ZFAND6: variants seen among roughly 807,000 people sequenced by gnomAD.
ZFAND6 encodes the protein zinc finger AN1-type containing 6, also known as AN1-type zinc finger protein 6.
Under a neutral mutation model 24.5 loss-of-function variants are expected in ZFAND6, and 12 were observed. The ratio of observed to expected loss-of-function variants is 0.49; its 90% CI spans 0.31 to 0.79. The LOEUF (loss-of-function observed/expected upper bound fraction) is 0.79, where lower values mean the gene tolerates loss of function less well. ZFAND6 is among the 30% of genes least tolerant of loss of function. ZFAND6 has a pLI of 0.04. For synonymous variants in ZFAND6, 92 were observed against 81.5 expected (o/e 1.13, Z -0.69); for missense variants, 207 against 245.9 (o/e 0.84, Z 1.06).
intron 1 of ZFAND6, among the ~76,000 whole-genome samples, chr15:80,086,454 T>G (rs2038012409): frequency 6.6e-6 from 1 of 152,244 alleles, no homozygotes; most frequent in Non-Finnish European, 1.5e-5. Context: ...CAATCCACTT[T>G]TAGAACATTT....
intron 1 of ZFAND6, among the ~76,000 whole-genome samples, chr15:80,068,175 G>A (rs940257208): frequency 6.7e-6 from 1 of 148,556 alleles, no homozygotes; most frequent in African/African-American, 2.5e-5. Context: ...GAGACATGGT[G>A]TTGCCTTTGT....
chr15:80,087,720 A>G (rs899637799), intron 1 of ZFAND6, among the ~76,000 whole-genome samples: 2 of 152,078 alleles, frequency 1.3e-5, no homozygotes, highest in African/African-American at 4.8e-5. Flanking sequence ...CTTTTAATTT[A>G]TATTTATTTT....
At chr15:80,097,632 A>T (rs912855802) in intron 1 of ZFAND6, among the ~76,000 whole-genome samples, 1 of 151,224 alleles carries the variant, frequency 6.6e-6, no homozygotes. Flanking sequence ...CAGCCTGGGC[A>T]ACAAGAACGA....
chr15:80,093,511 G>A (rs1247352870), intron 1 of ZFAND6, among the ~76,000 whole-genome samples: 2 of 151,818 alleles, frequency 1.3e-5, no homozygotes, highest in African/African-American at 2.4e-5. Flanking sequence ...GCGGAGCACC[G>A]AGGTCAGGAG....
intron 1 of ZFAND6, among the ~76,000 whole-genome samples, chr15:80,068,328 A>T (rs1028469881): frequency 1.8e-4 from 27 of 151,342 alleles, no homozygotes; most frequent in African/African-American, 5.8e-4. Context: ...AAAAATTTTT[A>T]AAATTTTTTG....
chr15:80,060,709 G>A (rs2036283654), intron 1 of ZFAND6: 1 of 152,226 alleles, frequency 6.6e-6, no homozygotes, highest in South Asian at 2.1e-4. Flanking sequence ...TAATCACGAG[G>A]TCAGGAGATC....
intron 1 of ZFAND6, among the ~76,000 whole-genome samples, chr15:80,088,508 G>A (rs2038141845): frequency 6.6e-6 from 1 of 152,190 alleles, no homozygotes; most frequent in African/African-American, 2.4e-5. Flanking sequence ...GGAGGTTGCA[G>A]TGAGCCGAGA....
chr15:80,077,695 TTC>T (rs1415373547), intron 1 of ZFAND6, among the ~76,000 whole-genome samples: 1 of 111,806 alleles, frequency 8.9e-6, no homozygotes, highest in African/African-American at 3.1e-5. Flanking sequence ...TGAGTTTTCT[TTC>T]TTTTTTTTTT....
chr15:80,059,359 C>A (rs1352461701), upstream of ZFAND6, among the ~76,000 whole-genome samples: 1 of 152,256 alleles, frequency 6.6e-6, no homozygotes, highest in Non-Finnish European at 1.5e-5. Flanking sequence ...TAATCGCCTT[C>A]CCGTAGCTAT....
At chr15:80,127,881 C>T (rs1440755988) in intron 5 of ZFAND6, among the ~76,000 whole-genome samples, 2 of 152,004 alleles carry the variant, frequency 1.3e-5, no homozygotes, top group African/African-American at 4.8e-5. Flanking sequence ...CACACAAAAA[C>T]GTGTACACAA....
upstream of ZFAND6, chr15:80,059,456 T>C (rs988630808): frequency 6.6e-6 from 1 of 152,190 alleles, no homozygotes; most frequent in East Asian, 1.9e-4. Flanking sequence ...GAGGAGCATC[T>C]CCTTTCGCTC....
intron 6 of ZFAND6, among the ~76,000 whole-genome samples, chr15:80,135,487 A>G (rs187990682): frequency 2.0e-5 from 3 of 152,394 alleles, no homozygotes. Context: ...TGTATTGTTT[A>G]CCATGTGCCA....
chr15:80,061,064 C>T (rs1379042005), intron 1 of ZFAND6, among the ~76,000 whole-genome samples: 1 of 152,156 alleles, frequency 6.6e-6, no homozygotes, highest in Non-Finnish European at 1.5e-5. Context: ...ACCATGTCAC[C>T]AATTTTAAGG....
rs947805326 is a variant in ZFAND6, at chr15:80,094,336, T to G, written c.-180-4080T>G. On this transcript the variant is annotated intron_variant, in intron 1 of 6. Coordinates refer to ENST00000261749, the MANE Select transcript of ZFAND6 (RefSeq NM_019006.4). Reference sequence around the variant, plus strand: ...CCGCCTCCTGTCAGATCAGCAACACTGGATTCTCATAGGAGTGCGAACCCT... The same window carrying G: ...CCGCCTCCTGTCAGATCAGCAACACGGGATTCTCATAGGAGTGCGAACCCT... 4.0e-5 allele frequency among the ~76,000 whole-genome samples: 6 copies of G among 148,414 alleles called. No homozygotes were observed. The South Asian group carries it at 1.0e-3, about 26-fold the overall frequency.
At chr15:80,081,799 C>T (rs995129565) in intron 1 of ZFAND6, among the ~76,000 whole-genome samples, 3 of 152,114 alleles carry the variant, frequency 2.0e-5, no homozygotes, top group African/African-American at 2.4e-5. Flanking sequence ...GAGGCAGCCT[C>T]GGGCCAGACT....
intron 6 of ZFAND6, among the ~76,000 whole-genome samples, chr15:80,132,753 A>G (rs901871446): frequency 2.6e-5 from 4 of 152,186 alleles, no homozygotes; most frequent in African/African-American, 9.7e-5. Flanking sequence ...GTATAAAGTG[A>G]TGCCACTAGC....
intron 1 of ZFAND6, among the ~76,000 whole-genome samples, chr15:80,065,442 A>C (rs565782016): frequency 4.0e-5 from 6 of 151,362 alleles, no homozygotes; most frequent in Non-Finnish European, 8.8e-5. Context: ...TTATTGTTTA[A>C]GTCTCCCCCC....
At position 80,117,818 on chromosome 15, in the gene ZFAND6, G is replaced by A. The variant is rs1440317467; in HGVS notation, c.-17-2510G>A. 2.0e-5 allele frequency among the ~76,000 whole-genome samples: 3 copies of A among 149,098 alleles called. No individual in the cohort carries two copies. In the East Asian group the frequency reaches 6.0e-4, roughly 30 times the overall value. On this transcript the variant is annotated intron_variant, in intron 2 of 6. Transcript: ENST00000261749. ...AGTTGGGTGCCACTGCTTTGATTTGGCCCCTTGATAAGGCTTCATCTATTT... is the reference window on the plus strand; with the variant it reads ...AGTTGGGTGCCACTGCTTTGATTTGACCCCTTGATAAGGCTTCATCTATTT...
At chr15:80,076,816 T>C (rs957798267) in intron 1 of ZFAND6, among the ~76,000 whole-genome samples, 2 of 152,074 alleles carry the variant, frequency 1.3e-5, no homozygotes, top group African/African-American at 2.4e-5. Context: ...TCCACTTCAC[T>C]CTTTAACCAC....
Sources: gnomAD v4.1 joint callset for allele counts (sites outside exome capture counted in the v4.1 genomes callset) on GRCh38, gnomAD v4.1.1 for gene constraint, MANE v1.5 for transcripts, NCBI Gene and HGNC (gene_info 2026-07-23, HGNC 2026-07-21) for gene names.